Variants in STXBP5L observed in about 807,000 individuals in gnomAD.
The protein encoded by STXBP5L is syntaxin-binding protein 5-like.
STXBP5L carries 65 observed loss-of-function variants against 144.5 expected under a neutral mutation model. The ratio of observed to expected loss-of-function variants is 0.45; its 90% CI spans 0.37 to 0.55. The LOEUF is 0.55. Ranked by LOEUF, STXBP5L falls within the 20% of genes least tolerant of loss-of-function variation. The pLI, the probability that STXBP5L is intolerant of heterozygous loss-of-function variation, is 0.00. For synonymous variants in STXBP5L, 505 were observed against 469.6 expected, an observed-to-expected ratio of 1.08 and a Z score of -0.97; for missense variants, 1,298 against 1,405.5, an observed-to-expected ratio of 0.92 and a Z score of 1.22.
At chr3:121,261,796 C>G (rs2050390280) in intron 18 of STXBP5L, among the ~76,000 whole-genome samples, 1 of 152,126 alleles carries the variant, frequency 6.6e-6, no homozygotes, top group African/African-American at 2.4e-5. Context: ...CAAATATGCT[C>G]TATGGTGAAA....
chr3:120,994,763 G>GT (rs796442678), intron 3 of STXBP5L, among the ~76,000 whole-genome samples: 20 of 151,970 alleles, frequency 1.3e-4, no homozygotes, highest in South Asian at 6.2e-4. Flanking sequence ...TGGTTTTCTG[G>GT]TTTTTTTAAT....
In STXBP5L at chr3:121,311,600, A is replaced by G. The variant is rs532251471; in HGVS notation, c.2111-6875A>G. On this transcript the variant is annotated intron_variant, in intron 19 of 26. Coordinates refer to ENST00000471454, the MANE Select transcript of STXBP5L (RefSeq NM_001308330.2). ...GTGAACTCCCATTCACAATTGCTTC[A>G]AAGAGAATAAAATACTTAGGAATCC... 2.0e-5 allele frequency among the ~76,000 whole-genome samples: 3 copies of G among 152,326 alleles called. No homozygotes were observed. In the South Asian group the frequency reaches 6.2e-4, roughly 32 times the overall value.
intron 22 of STXBP5L, among the ~76,000 whole-genome samples, chr3:121,405,897 G>A (rs1164821755): frequency 1.3e-5 from 2 of 152,072 alleles, no homozygotes; most frequent in African/African-American, 2.4e-5. Context: ...TGTATGCAAT[G>A]AGTATAAGTA....
chr3:121,092,094 A>G (rs1025463305), intron 5 of STXBP5L, among the ~76,000 whole-genome samples: 2 of 152,052 alleles, frequency 1.3e-5, no homozygotes, highest in African/African-American at 4.8e-5. Context: ...GTAGATATGC[A>G]GCGTTATTTC....
chr3:121,024,096 T>G (rs560873402), intron 3 of STXBP5L, among the ~76,000 whole-genome samples: 1 of 151,980 alleles, frequency 6.6e-6, no homozygotes, highest in Non-Finnish European at 1.5e-5. Context: ...AAAATAAAAA[T>G]TGCCCTGCGA....
intron 3 of STXBP5L, among the ~76,000 whole-genome samples, chr3:120,958,907 C>T (rs1023546635): frequency 4.6e-5 from 7 of 152,020 alleles, no homozygotes; most frequent in Non-Finnish European, 1.0e-4. Context: ...CTGGCCAGGG[C>T]AATTAGGCAG....
chr3:121,317,386 G>A (rs1310705479), intron 19 of STXBP5L, among the ~76,000 whole-genome samples: 4 of 152,132 alleles, frequency 2.6e-5, no homozygotes, highest in African/African-American at 7.2e-5. Context: ...TGAAGTTATA[G>A]TTTCTCACTT....
intron 20 of STXBP5L, among the ~76,000 whole-genome samples, chr3:121,340,324 CT>C (rs552304486): frequency 1.3e-5 from 2 of 151,568 alleles, no homozygotes; most frequent in African/African-American, 2.4e-5. Context: ...GTAGTAATGT[CT>C]TTTTTTTACT....
intron 19 of STXBP5L, among the ~76,000 whole-genome samples, chr3:121,291,993 A>T (rs151022017): frequency 1.2e-3 from 179 of 152,278 alleles, no homozygotes; most frequent in African/African-American, 4.2e-3. Context: ...CATTGGCTTA[A>T]ACATAGACTT....
At chr3:121,052,853 T>C (rs1291146326) in intron 5 of STXBP5L, among the ~76,000 whole-genome samples, 1 of 152,154 alleles carries the variant, frequency 6.6e-6, no homozygotes, top group Non-Finnish European at 1.5e-5. Context: ...AACCCCATTG[T>C]CTCAGCCCAA....
chr3:120,978,140 T>A (rs542329151), intron 3 of STXBP5L, among the ~76,000 whole-genome samples: 3 of 152,346 alleles, frequency 2.0e-5, no homozygotes, highest in Admixed American at 2.0e-4. Context: ...TGCAGAGTGT[T>A]TTCCAACTTG....
chr3:121,003,697 G>A (rs1037582645), intron 3 of STXBP5L, among the ~76,000 whole-genome samples: 5 of 151,982 alleles, frequency 3.3e-5, no homozygotes, highest in Non-Finnish European at 5.9e-5. Flanking sequence ...TCTAACATGT[G>A]AGTCTTTAAT....
At chr3:121,338,205 CA>C (rs1353950295) in intron 20 of STXBP5L, among the ~76,000 whole-genome samples, 1 of 151,866 alleles carries the variant, frequency 6.6e-6, no homozygotes, top group East Asian at 1.9e-4. Flanking sequence ...TTATAAAGAT[CA>C]GAGCAGAACT....
chr3:121,071,611 C>T (rs1389741824), intron 5 of STXBP5L, among the ~76,000 whole-genome samples: 1 of 152,146 alleles, frequency 6.6e-6, no homozygotes, highest in Admixed American at 6.5e-5. Context: ...TGCGGATAGA[C>T]AAGATCACAA....
At chr3:121,404,426 T>C (rs953145928) in intron 22 of STXBP5L, among the ~76,000 whole-genome samples, 3 of 152,142 alleles carry the variant, frequency 2.0e-5, no homozygotes, top group African/African-American at 7.2e-5. Context: ...CCAGCCTTGG[T>C]TCCCTTTAGG....
chr3:121,008,895 C>A (rs1176902752), intron 3 of STXBP5L, among the ~76,000 whole-genome samples: 1 of 151,528 alleles, frequency 6.6e-6, no homozygotes, highest in Non-Finnish European at 1.5e-5. Flanking sequence ...CTATCTTTTC[C>A]AGGATGGAAT....
intron 3 of STXBP5L, among the ~76,000 whole-genome samples, chr3:121,001,975 T>G (rs2108047627): frequency 6.6e-6 from 1 of 152,366 alleles, no homozygotes; most frequent in South Asian, 2.1e-4. Flanking sequence ...ACACTTAGGT[T>G]GTTCTCATAT....
At chr3:120,974,393 GT>G (rs550501862) in intron 3 of STXBP5L, among the ~76,000 whole-genome samples, 1 of 151,124 alleles carries the variant, frequency 6.6e-6, no homozygotes, top group African/African-American at 2.4e-5. Flanking sequence ...GGGGTTGTTT[GT>G]TTTTTTCTTG....
chr3:121,095,316 A>G (rs1345014614), intron 5 of STXBP5L, among the ~76,000 whole-genome samples: 2 of 152,030 alleles, frequency 1.3e-5, no homozygotes, highest in Admixed American at 1.3e-4. Flanking sequence ...GTATTTCCTG[A>G]ATTTGAATGT....
Sources: allele counts gnomAD v4.1 joint callset (sites outside exome capture counted in the v4.1 genomes callset), GRCh38; gene constraint gnomAD v4.1.1; transcripts MANE v1.5; gene names NCBI Gene and HGNC (gene_info 2026-07-23, HGNC 2026-07-21).